GPC6: variants seen among roughly 807,000 people sequenced by gnomAD.
GPC6 encodes glypican-6.
Under a neutral mutation model 55.2 loss-of-function variants are expected in GPC6, and 14 were observed. The ratio of observed to expected loss-of-function variants is 0.25; its 90% CI spans 0.17 to 0.40. The LOEUF (loss-of-function observed/expected upper bound fraction) is 0.40. Among genes scored for constraint, GPC6 ranks in the 10% least tolerant of loss-of-function variants. GPC6 has a pLI of 1.00. For missense variants in GPC6, 641 were observed against 708.5 expected (o/e 0.90, Z 1.08); for synonymous variants, 278 against 259.6 (o/e 1.07, Z -0.68).
chr13:94,033,272 C>T lies in GPC6; in HGVS notation c.877+5378C>T, dbSNP rs1286743766. Among the ~76,000 whole-genome samples, 3 of 152,288 alleles carry T rather than the reference C, an allele frequency of 2.0e-5. No individual in the cohort carries two copies. In the East Asian group the frequency reaches 5.8e-4, roughly 29 times the overall value. On this transcript the variant is annotated intron_variant, in intron 4 of 8. Transcript: ENST00000377047. ...AATCAGATAATGTACCTGATTCTTT[C>T]ATTGTGACAGCTGCTATCAAGTTGT...
chr13:93,642,302 C>T (rs970841068), intron 2 of GPC6, among the ~76,000 whole-genome samples: 3 of 152,170 alleles, frequency 2.0e-5, no homozygotes, highest in African/African-American at 4.8e-5. Flanking sequence ...ACTCCAGCCA[C>T]GTTGCTGCAG....
chr13:94,403,397 G>T lies in GPC6; in HGVS notation c.*180G>T. Reference sequence around the variant, plus strand: ...CCCAAAGAGTACCGGGTGCCAGACTGAACTGCTTCCTCTTTCCTTCAGCTA... The same window carrying T: ...CCCAAAGAGTACCGGGTGCCAGACTTAACTGCTTCCTCTTTCCTTCAGCTA... On this transcript the variant is annotated 3_prime_UTR_variant, in exon 9 of 9. Transcript: ENST00000377047. 1.5e-6 allele frequency: 1 copy of T among 658,998 alleles called. No homozygotes were observed. Among genetic ancestry groups the T allele is most frequent in the Non-Finnish European group, 2.8e-6 (1 of 361,864 alleles). The allele number at this position is 658,998 out of a possible 1,614,324, so 40.8% of individuals were successfully genotyped here. A position where few individuals can be genotyped will look rare whatever the true frequency, so the allele number is the denominator to read the frequency against.
At chr13:93,954,801 A>G (rs1326204589) in intron 3 of GPC6, among the ~76,000 whole-genome samples, 5 of 152,178 alleles carry the variant, frequency 3.3e-5, no homozygotes, top group Non-Finnish European at 5.9e-5. Context: ...GTAGACTGAT[A>G]TGAAGCTCTC....
intron 2 of GPC6, among the ~76,000 whole-genome samples, chr13:93,767,941 T>G (rs1885174301): frequency 6.6e-6 from 1 of 152,134 alleles, no homozygotes; most frequent in African/African-American, 2.4e-5. Context: ...CCTCACTGAT[T>G]TGGTTTCTTA....
chr13:94,035,200 C>G (rs1227430492), intron 4 of GPC6, among the ~76,000 whole-genome samples: 1 of 151,956 alleles, frequency 6.6e-6, no homozygotes, highest in Non-Finnish European at 1.5e-5. Flanking sequence ...ACTTTAATAA[C>G]ATGTTACAAT....
At chr13:93,768,265 C>G (rs1885185605) in intron 2 of GPC6, among the ~76,000 whole-genome samples, 1 of 152,110 alleles carries the variant, frequency 6.6e-6, no homozygotes, top group Non-Finnish European at 1.5e-5. Context: ...TTAATTATTG[C>G]CAACCTGTAG....
At chr13:93,675,768 T>G (rs926009955) in intron 2 of GPC6, among the ~76,000 whole-genome samples, 1 of 152,124 alleles carries the variant, frequency 6.6e-6, no homozygotes, top group Non-Finnish European at 1.5e-5. Context: ...TGTTGATTAC[T>G]CCACATAACC....
intron 4 of GPC6, among the ~76,000 whole-genome samples, chr13:94,158,074 G>GC (rs1888017409): frequency 6.6e-6 from 1 of 152,162 alleles, no homozygotes; most frequent in Non-Finnish European, 1.5e-5. Context: ...AAGGCAGACA[G>GC]CCATTTGGCT....
chr13:93,403,592 A>G (rs145901731), intron 1 of GPC6, among the ~76,000 whole-genome samples: 2 of 152,310 alleles, frequency 1.3e-5, no homozygotes, highest in Non-Finnish European at 2.9e-5. Context: ...ATTTGGTTAA[A>G]CTACTGTATT....
At chr13:94,368,269 TTAGGTTGA>T (rs1879375148) in intron 6 of GPC6, among the ~76,000 whole-genome samples, 1 of 152,076 alleles carries the variant, frequency 6.6e-6, no homozygotes, top group East Asian at 1.9e-4. Flanking sequence ...TGGAGTGGTT[TTAGGTTGA>T]ATAGTGTCTT....
intron 1 of GPC6, among the ~76,000 whole-genome samples, chr13:93,305,163 A>G (rs922616718): frequency 5.3e-5 from 8 of 152,138 alleles, no homozygotes; most frequent in African/African-American, 1.7e-4. Flanking sequence ...GCAACCAACA[A>G]GTATAAAACA....
chr13:94,236,917 G>A (rs1003245839), intron 4 of GPC6, among the ~76,000 whole-genome samples: 14 of 151,226 alleles, frequency 9.3e-5, no homozygotes, highest in Admixed American at 2.6e-4. Flanking sequence ...AAAATTTTGG[G>A]CATGTAAATA....
intron 4 of GPC6, among the ~76,000 whole-genome samples, chr13:94,031,491 C>T (rs1883136239): frequency 6.6e-6 from 1 of 152,080 alleles, no homozygotes; most frequent in Admixed American, 6.6e-5. Context: ...TAGGCAGGAC[C>T]AGAAGAAACA....
At chr13:93,774,508 G>C (rs1885401483) in intron 2 of GPC6, among the ~76,000 whole-genome samples, 1 of 152,086 alleles carries the variant, frequency 6.6e-6, no homozygotes, top group African/African-American at 2.4e-5. Context: ...CAAAATCCTA[G>C]ACACTAATGA....
rs115809164 is a variant in GPC6 at position 94,127,025 on chromosome 13, G to A, written c.877+99131G>A. Among the ~76,000 whole-genome samples the A allele has an allele frequency of 3.6e-3, 549 of 152,010 alleles. 7 individuals carry two copies. Among genetic ancestry groups the A allele is most frequent in the African/African-American group, 0.012 (517 of 41,460 alleles). On this transcript the variant is annotated intron_variant, in intron 4 of 8. Coordinates refer to ENST00000377047, the MANE Select transcript of GPC6 (RefSeq NM_005708.5). ...ATTATCTCTTAAGAAAAATATATAT[G>A]TACTAGTCATTTTTCAATATGGTAA...
intron 4 of GPC6, among the ~76,000 whole-genome samples, chr13:94,278,763 G>A (rs1410928747): frequency 2.0e-5 from 3 of 152,190 alleles, no homozygotes; most frequent in African/African-American, 7.2e-5. Flanking sequence ...TGTTGAGCCA[G>A]CCTTGCATCC....
At chr13:94,218,514 C>G (rs928188668) in intron 4 of GPC6, among the ~76,000 whole-genome samples, 2 of 152,138 alleles carry the variant, frequency 1.3e-5, no homozygotes, top group Non-Finnish European at 2.9e-5. Context: ...AGCTACAGCT[C>G]TCTGCTCTAA....
chr13:94,044,188 G>C (rs1162115773), intron 4 of GPC6, among the ~76,000 whole-genome samples: 1 of 151,734 alleles, frequency 6.6e-6, no homozygotes, highest in Admixed American at 6.6e-5. Context: ...TTAGTTTGTG[G>C]TTTATCTTTC....
intron 1 of GPC6, among the ~76,000 whole-genome samples, chr13:93,441,745 GT>G (rs961990730): frequency 6.6e-6 from 1 of 152,122 alleles, no homozygotes; most frequent in Non-Finnish European, 1.5e-5. Context: ...TACTTTTGGT[GT>G]TTTAGCCATG....
Sources: allele counts gnomAD v4.1 joint callset (sites outside exome capture counted in the v4.1 genomes callset), GRCh38; gene constraint gnomAD v4.1.1; transcripts MANE v1.5; gene names NCBI Gene and HGNC (gene_info 2026-07-23, HGNC 2026-07-21).